Variants in BMPER observed in about 807,000 individuals in gnomAD.
BMPER encodes BMP-binding endothelial regulator protein.
In BMPER, 45 loss-of-function variants were observed where a neutral mutation model predicts 87.3. That is an observed-to-expected ratio of 0.52 (90% confidence interval 0.41 to 0.66). BMPER has a LOEUF of 0.66. Ranked by LOEUF, BMPER falls within the 30% of genes least tolerant of loss-of-function variation. The pLI is 0.00. For missense variants in BMPER, 784 were observed against 867.5 expected, an observed-to-expected ratio of 0.90 and a Z score of 1.21; for synonymous variants, 326 against 316.2, an observed-to-expected ratio of 1.03 and a Z score of -0.33.
chr7:34,045,359 C>T (rs1007794080), intron 6 of BMPER, among the ~76,000 whole-genome samples: 3 of 152,098 alleles, frequency 2.0e-5, no homozygotes, highest in South Asian at 2.1e-4. Flanking sequence ...TATGAAGTTA[C>T]AACTTAACTG....
chr7:33,996,706 G>A (rs923982756), intron 6 of BMPER, among the ~76,000 whole-genome samples: 4 of 152,228 alleles, frequency 2.6e-5, no homozygotes, highest in African/African-American at 9.6e-5. Context: ...CTGCGTTACT[G>A]TAAGTTTTTA....
intron 2 of BMPER, among the ~76,000 whole-genome samples, chr7:33,936,594 G>T (rs1480545226): frequency 6.6e-6 from 1 of 152,118 alleles, no homozygotes; most frequent in African/African-American, 2.4e-5. Flanking sequence ...ATACAAACAG[G>T]CATATTCATC....
chr7:34,091,939 T>C (rs566107073), intron 13 of BMPER, among the ~76,000 whole-genome samples: 8 of 152,316 alleles, frequency 5.3e-5, no homozygotes, highest in African/African-American at 1.9e-4. Context: ...GCATTGGATT[T>C]TAAGTTCTCT....
At chr7:34,010,290 A>T (rs1383990440) in intron 6 of BMPER, among the ~76,000 whole-genome samples, 1 of 151,968 alleles carries the variant, frequency 6.6e-6, no homozygotes, top group African/African-American at 2.4e-5. Context: ...TTCATTATTA[A>T]CACCTATCAC....
intron 6 of BMPER, among the ~76,000 whole-genome samples, chr7:33,992,072 G>T (rs535959849): frequency 6.6e-6 from 1 of 152,168 alleles, no homozygotes; most frequent in East Asian, 1.9e-4. Flanking sequence ...GTGGTGTGGT[G>T]CTGAAAATAA....
intron 3 of BMPER, among the ~76,000 whole-genome samples, chr7:33,962,062 T>C (rs2128616608): frequency 6.6e-6 from 1 of 152,334 alleles, no homozygotes; most frequent in East Asian, 1.9e-4. Flanking sequence ...ATGGTCCTGA[T>C]GATTTTTAAC....
At chr7:34,113,545 A>G (rs1562752310) in intron 13 of BMPER, among the ~76,000 whole-genome samples, 1 of 151,742 alleles carries the variant, frequency 6.6e-6, no homozygotes. Flanking sequence ...TGAACCATCT[A>G]GAATGCTTTC....
chr7:34,004,442 T>C (rs995349653), intron 6 of BMPER, among the ~76,000 whole-genome samples: 7 of 152,144 alleles, frequency 4.6e-5, no homozygotes, highest in African/African-American at 1.4e-4. Context: ...TAAACTTCCG[T>C]GTTTTTTTGC....
intron 6 of BMPER, among the ~76,000 whole-genome samples, chr7:34,015,907 T>C (rs1787011937): frequency 6.6e-6 from 1 of 151,414 alleles, no homozygotes; most frequent in Non-Finnish European, 1.5e-5. Context: ...GCCTGTAGAG[T>C]AGCATTTTTG....
rs1030935939 is a variant in BMPER, at chr7:34,142,656, T to C, written c.1746-574T>C. Among the ~76,000 whole-genome samples, 35 of 152,236 alleles carry C rather than the reference T, an allele frequency of 2.3e-4. 1 individual carries two copies. Among genetic ancestry groups the C allele is most frequent in the African/African-American group, 8.4e-4 (35 of 41,462 alleles). ...TGAAGAATGAAGATTCAGTGTTCCT[T>C]AAAAGACTAAGATTCTAAGATATTA... is the stretch of plus-strand genomic sequence containing the variant. On this transcript the variant is annotated intron_variant, in intron 13 of 14. Transcript: ENST00000649409.
At chr7:33,927,980 C>A (rs1165997796) in intron 2 of BMPER, among the ~76,000 whole-genome samples, 1 of 152,112 alleles carries the variant, frequency 6.6e-6, no homozygotes, top group Non-Finnish European at 1.5e-5. Context: ...TGTAAAATAA[C>A]CAGAGGTGTT....
intron 3 of BMPER, among the ~76,000 whole-genome samples, chr7:33,952,498 G>C (rs890660279): frequency 1.3e-5 from 2 of 152,260 alleles, no homozygotes; most frequent in Non-Finnish European, 2.9e-5. Flanking sequence ...TAGAAACTTG[G>C]GGTGCATCAT....
chr7:34,146,797 G>T (rs1791035270), intron 14 of BMPER, among the ~76,000 whole-genome samples: 1 of 151,684 alleles, frequency 6.6e-6, no homozygotes, highest in South Asian at 2.1e-4. Flanking sequence ...GAGCACTGTG[G>T]AAAAAAAAGA....
At chr7:34,094,742 T>C (rs1789484929) in intron 13 of BMPER, among the ~76,000 whole-genome samples, 1 of 152,126 alleles carries the variant, frequency 6.6e-6, no homozygotes, top group South Asian at 2.1e-4. Flanking sequence ...ACCTACCCCA[T>C]TGCTATGAGG....
chr7:33,933,731 C>T (rs757550510), intron 2 of BMPER, among the ~76,000 whole-genome samples: 6 of 152,134 alleles, frequency 3.9e-5, no homozygotes, highest in Non-Finnish European at 2.9e-5. Context: ...GAGTTCCTGT[C>T]TGGAGCCACC....
Position 34,085,952 on chromosome 7 carries a change from C to G in BMPER, c.1605C>G (p.Asn535Lys). ...GGGTGGAGTCCAATGAGTTCTGCAA[C>G]AGACCTCAGAGAAAGCCAGTGCCTG... Reference protein sequence around the residue: ...SWRVESNEFCNRPQRKPVPEL... With the variant: ...SWRVESNEFCKRPQRKPVPEL... Residue 535 changes from asparagine to lysine, a missense_variant, in exon 13 of 15, where the codon AAC (asparagine) becomes AAG (lysine). Physicochemically the swap from Asn to Lys is moderately conservative, Grantham distance 94. Coordinates refer to ENST00000649409, the MANE Select transcript of BMPER (RefSeq NM_001365308.1). 1 of 1,614,140 alleles carries G rather than the reference C, an allele frequency of 6.2e-7. No homozygotes were observed. The highest frequency in any genetic ancestry group is 1.1e-5 in the South Asian group (1 of 91,080).
At chr7:34,078,464 T>C (rs11972751) in intron 11 of BMPER, among the ~76,000 whole-genome samples, 3,985 of 152,332 alleles carry the variant, frequency 0.026, 179 homozygotes, top group African/African-American at 0.09. Flanking sequence ...TGTCTTGGTG[T>C]ATTGACATTG....
intron 10 of BMPER, among the ~76,000 whole-genome samples, chr7:34,061,300 G>A (rs1483808409): frequency 2.0e-5 from 3 of 152,090 alleles, no homozygotes; most frequent in South Asian, 2.1e-4. Flanking sequence ...CTGAGAATAC[G>A]TCACCTCCTT....
chr7:34,062,750 G>A (rs144807409), intron 11 of BMPER, among the ~76,000 whole-genome samples: 168 of 152,210 alleles, frequency 1.1e-3, no homozygotes, highest in East Asian at 4.5e-3. Context: ...ACAGCGTGTC[G>A]CTGTACTGAA....
Sources: allele counts gnomAD v4.1 joint callset (sites outside exome capture counted in the v4.1 genomes callset), GRCh38; gene constraint gnomAD v4.1.1; transcripts MANE v1.5; gene names NCBI Gene and HGNC (gene_info 2026-07-23, HGNC 2026-07-21).